KDM4C: variants seen among roughly 807,000 people sequenced by gnomAD.
The protein encoded by KDM4C is lysine-specific demethylase 4C.
Under a neutral mutation model 129.3 loss-of-function variants are expected in KDM4C, and 81 were observed. The ratio of observed to expected loss-of-function variants is 0.63; its 90% CI spans 0.52 to 0.75. The LOEUF (loss-of-function observed/expected upper bound fraction) is 0.75. Among genes scored for constraint, KDM4C ranks in the 30% least tolerant of loss-of-function variants. KDM4C has a pLI of 0.00. For missense variants in KDM4C, 1,457 were observed against 1,304.0 expected (o/e 1.12, Z -1.81); for synonymous variants, 573 against 456.1 (o/e 1.26, Z -3.26).
chr9:6,866,617 C>T (rs887053070), intron 5 of KDM4C, among the ~76,000 whole-genome samples: 4 of 152,098 alleles, frequency 2.6e-5, no homozygotes, highest in African/African-American at 9.7e-5. Context: ...ACTCCCAGTG[C>T]TTCCTACAGA....
chr9:7,153,829 G>A (rs986705622), intron 19 of KDM4C, among the ~76,000 whole-genome samples: 1 of 151,434 alleles, frequency 6.6e-6, no homozygotes, highest in African/African-American at 2.5e-5. Flanking sequence ...ACAAAAAGGA[G>A]GCTGTTCAGC....
chr9:6,851,014 C>G (rs887922910), intron 5 of KDM4C, among the ~76,000 whole-genome samples: 9 of 152,176 alleles, frequency 5.9e-5, no homozygotes, highest in African/African-American at 2.2e-4. Flanking sequence ...CTTGGCCTCC[C>G]AAAGTGCTGA....
At chr9:7,074,720 C>A (rs1833684141) in intron 17 of KDM4C, among the ~76,000 whole-genome samples, 1 of 151,944 alleles carries the variant, frequency 6.6e-6, no homozygotes, top group Non-Finnish European at 1.5e-5. Context: ...TGCTATTAAC[C>A]CTAAAGGACT....
chr9:7,001,980 C>T (rs909796698), intron 12 of KDM4C, among the ~76,000 whole-genome samples: 1 of 152,180 alleles, frequency 6.6e-6, no homozygotes, highest in Non-Finnish European at 1.5e-5. Context: ...GCAGCATCCG[C>T]CTCCTGGGTT....
chr9:7,092,795 G>A (rs1254314163), intron 17 of KDM4C, among the ~76,000 whole-genome samples: 1 of 152,108 alleles, frequency 6.6e-6, no homozygotes, highest in Non-Finnish European at 1.5e-5. Flanking sequence ...AGCGGTACAC[G>A]TCTTTTAGAG....
At chr9:6,890,810 A>G (rs969162917) in intron 7 of KDM4C, among the ~76,000 whole-genome samples, 6 of 152,144 alleles carry the variant, frequency 3.9e-5, no homozygotes, top group Non-Finnish European at 8.8e-5. Flanking sequence ...GATAAGAAAG[A>G]AGCACCTAGA....
In KDM4C at chr9:6,758,125, C is replaced by A. The variant is rs769893080; in HGVS notation, c.-96C>A. The A allele has an allele frequency of 1.8e-5, 18 of 985,508 alleles. No homozygotes were observed. Among genetic ancestry groups the A allele is most frequent in the African/African-American group, 3.5e-5 (2 of 57,246 alleles). The allele number at this position is 985,508 out of a possible 1,614,324, so 61.0% of individuals were successfully genotyped here. ...TGCGGAACAAGTCTCCCAAATTTCC[C>A]AAATCTCCCTGGGCCGGAGGCCACT... On this transcript the variant is annotated 5_prime_UTR_variant, in exon 1 of 22. Transcript: ENST00000381309. The surrounding 1 kb of genome is among the most constrained non-coding windows in gnomAD (Gnocchi z 4.6).
intron 1 of KDM4C, among the ~76,000 whole-genome samples, chr9:6,746,260 ATGT>A (rs1330733184): frequency 9.5e-6 from 1 of 105,674 alleles, no homozygotes; most frequent in African/African-American, 3.8e-5. Flanking sequence ...ATATATATAT[ATGT>A]TTTTTTTTTT....
intron 1 of KDM4C, among the ~76,000 whole-genome samples, chr9:6,752,077 T>G (rs1021553706): frequency 2.0e-5 from 3 of 151,796 alleles, no homozygotes; most frequent in African/African-American, 7.3e-5. Context: ...CTCACGCCTG[T>G]AATCCCAGCA....
chr9:7,027,782 G>T (rs1333930780), intron 15 of KDM4C, among the ~76,000 whole-genome samples: 1 of 152,212 alleles, frequency 6.6e-6, no homozygotes, highest in South Asian at 2.1e-4. Context: ...CTGTCCTGCA[G>T]CTGTGCTGGC....
intron 17 of KDM4C, among the ~76,000 whole-genome samples, chr9:7,085,485 CCTGACTTTTA>C (rs911229062): frequency 4.6e-5 from 7 of 152,062 alleles, no homozygotes; most frequent in African/African-American, 1.7e-4. Flanking sequence ...TGTTGGTTAA[CCTGACTTTTA>C]CACTGTAAAA....
At position 7,013,422 on chromosome 9, in the gene KDM4C, C is replaced by G. The variant is rs573322754; in HGVS notation, c.1969-366C>G. 2.0e-5 allele frequency among the ~76,000 whole-genome samples: 3 copies of G among 152,256 alleles called. No individual in the cohort carries two copies. In the East Asian group the frequency reaches 5.8e-4, roughly 29 times the overall value. ...AAACTGGGGTCTTTGTACACTCCTT[C>G]AAGTGTAGCAAGGTATGATTCTTCA... On this transcript the variant is annotated intron_variant, in intron 13 of 21. Coordinates refer to ENST00000381309, the MANE Select transcript of KDM4C (RefSeq NM_015061.6).
intron 4 of KDM4C, among the ~76,000 whole-genome samples, chr9:6,841,731 C>G (rs568606236): frequency 1.3e-5 from 2 of 152,196 alleles, no homozygotes; most frequent in African/African-American, 2.4e-5. Flanking sequence ...GTGACTATAG[C>G]TATTCCACTT....
At chr9:6,959,480 C>T (rs941495428) in intron 8 of KDM4C, among the ~76,000 whole-genome samples, 8 of 152,104 alleles carry the variant, frequency 5.3e-5, no homozygotes, top group Admixed American at 4.6e-4. Flanking sequence ...TCTTGCTTGT[C>T]GTTATCTTAG....
At chr9:6,816,429 G>T (rs1199928832) in intron 4 of KDM4C, among the ~76,000 whole-genome samples, 2 of 150,624 alleles carry the variant, frequency 1.3e-5, no homozygotes, top group Non-Finnish European at 3.0e-5. Context: ...AAGGTAACTA[G>T]ATCTTCTGAC....
chr9:6,807,026 A>G (rs939142924), intron 3 of KDM4C, among the ~76,000 whole-genome samples: 24 of 152,056 alleles, frequency 1.6e-4, no homozygotes, highest in Non-Finnish European at 2.5e-4. Context: ...AGTCTGCCGA[A>G]TGCCTGCGAT....
At chr9:7,108,026 T>C (rs1268393830) in intron 18 of KDM4C, among the ~76,000 whole-genome samples, 1 of 152,194 alleles carries the variant, frequency 6.6e-6, no homozygotes, top group African/African-American at 2.4e-5. Flanking sequence ...GTGTGTTAGG[T>C]ATTTCACATA....
At chr9:7,153,428 T>C (rs7872887) in intron 19 of KDM4C, among the ~76,000 whole-genome samples, 12,885 of 152,188 alleles carry the variant, frequency 0.085, 1,305 homozygotes, top group East Asian at 0.26. Context: ...TTCTTGTGGA[T>C]ATCCTCAGAG....
intron 4 of KDM4C, among the ~76,000 whole-genome samples, chr9:6,832,351 A>T (rs1009567956): frequency 1.3e-5 from 2 of 151,704 alleles, no homozygotes; most frequent in Admixed American, 6.6e-5. Context: ...AAAAAAAAAA[A>T]AGTTGAATTT....
Sources: allele counts gnomAD v4.1 joint callset (sites outside exome capture counted in the v4.1 genomes callset), GRCh38; gene constraint gnomAD v4.1.1; non-coding constraint Gnocchi (gnomAD v3.1); transcripts MANE v1.5; gene names NCBI Gene and HGNC (gene_info 2026-07-23, HGNC 2026-07-21).